The following GFRA2 variants were observed in gnomAD, a reference collection of about 807,000 sequenced individuals.
The protein encoded by GFRA2 is GDNF family receptor alpha 2.
Under a neutral mutation model 48.3 loss-of-function variants are expected in GFRA2, and 17 were observed. The observed-to-expected ratio is 0.35, with a 90% confidence interval of 0.24 to 0.53. The LOEUF (loss-of-function observed/expected upper bound fraction) is 0.53. GFRA2 is among the 20% of genes least tolerant of loss of function. The pLI is 0.93. For missense variants in GFRA2, 660 were observed against 637.3 expected, an observed-to-expected ratio of 1.04 and a Z score of -0.38; for synonymous variants, 305 against 257.2, an observed-to-expected ratio of 1.19 and a Z score of -1.78.
chr8:21,753,513 G>A (rs1028714534), intron 3 of GFRA2, among the ~76,000 whole-genome samples: 9 of 152,186 alleles, frequency 5.9e-5, no homozygotes, highest in African/African-American at 1.9e-4. Context: ...GGGAGACTGA[G>A]GCAGTAGAAT....
At chr8:21,702,309 G>C (rs1036067372) in intron 7 of GFRA2, among the ~76,000 whole-genome samples, 10 of 152,178 alleles carry the variant, frequency 6.6e-5, no homozygotes, top group African/African-American at 2.2e-4. Context: ...CCACAAGGGA[G>C]GGGGAAGGAA....
chr8:21,758,464 G>T (rs1340440178), intron 3 of GFRA2, among the ~76,000 whole-genome samples: 1 of 152,080 alleles, frequency 6.6e-6, no homozygotes, highest in East Asian at 1.9e-4. Flanking sequence ...CACCCTTCCT[G>T]CCTCCCAGGA....
At chr8:21,739,453 T>G (rs939301719) in intron 4 of GFRA2, among the ~76,000 whole-genome samples, 4 of 152,180 alleles carry the variant, frequency 2.6e-5, no homozygotes, top group Non-Finnish European at 4.4e-5. Context: ...TTAGTGTAAC[T>G]CCTAATCCAG....
chr8:21,707,320 G>T (rs1179621144), intron 4 of GFRA2, among the ~76,000 whole-genome samples: 1 of 152,174 alleles, frequency 6.6e-6, no homozygotes, highest in Non-Finnish European at 1.5e-5. Context: ...TTCTCCACTG[G>T]AACCCTGTCC....
chr8:21,722,671 G>A (rs1282104377), intron 4 of GFRA2, among the ~76,000 whole-genome samples: 4 of 152,120 alleles, frequency 2.6e-5, no homozygotes, highest in African/African-American at 4.8e-5. Flanking sequence ...CGATACACGC[G>A]TGGCCACACA....
At chr8:21,773,079 G>A (rs1806514841) in intron 3 of GFRA2, among the ~76,000 whole-genome samples, 1 of 152,214 alleles carries the variant, frequency 6.6e-6, no homozygotes, top group African/African-American at 2.4e-5. Flanking sequence ...GAGCCCCAGA[G>A]CACTGTCTCA....
intron 4 of GFRA2, among the ~76,000 whole-genome samples, chr8:21,717,799 G>A (rs901238706): frequency 6.6e-6 from 1 of 152,168 alleles, no homozygotes; most frequent in African/African-American, 2.4e-5. Context: ...CCTGGGAAAT[G>A]GCCACCAAAC....
intron 2 of GFRA2, among the ~76,000 whole-genome samples, chr8:21,802,988 G>A (rs1124111): frequency 0.24 from 36,792 of 152,046 alleles, 5,069 homozygotes; most frequent in East Asian, 0.4. Flanking sequence ...ATCAGACTTC[G>A]GTCAACAAAA....
chr8:21,778,902 A>G (rs1424047203), intron 2 of GFRA2, among the ~76,000 whole-genome samples: 1 of 151,644 alleles, frequency 6.6e-6, no homozygotes, highest in Non-Finnish European at 1.5e-5. Context: ...AAAAATAAAT[A>G]AATAAAAAGA....
At chr8:21,696,089 C>G (rs1457276655) in intron 7 of GFRA2, among the ~76,000 whole-genome samples, 53 of 116,946 alleles carry the variant, frequency 4.5e-4, no homozygotes, top group African/African-American at 1.7e-3. Flanking sequence ...CCCCTCTCTC[C>G]CCTCCCCCTC....
intron 3 of GFRA2, among the ~76,000 whole-genome samples, chr8:21,765,120 TA>T (rs1224924245): frequency 1.4e-5 from 2 of 138,342 alleles, no homozygotes; most frequent in African/African-American, 3.0e-5. Context: ...TTTATTTATT[TA>T]TTTTTTTTGA....
chr8:21,706,932 C>G (rs1173646617), intron 4 of GFRA2, among the ~76,000 whole-genome samples: 1 of 152,196 alleles, frequency 6.6e-6, no homozygotes, highest in Non-Finnish European at 1.5e-5. Context: ...TTCCTCCTGC[C>G]CTGGGCCCTG....
In GFRA2 at chr8:21,700,289, G is replaced by A. The variant is rs547467889; in HGVS notation, c.1218+2516C>T. Among the ~76,000 whole-genome samples the A allele has an allele frequency of 2.6e-5, 4 of 152,268 alleles. No individual in the cohort carries two copies. In the South Asian group the frequency reaches 6.2e-4, roughly 24 times the overall value. ...GGCCCCAGGAGAGACCATTTTGCAGGCCCTATCAGGCCTCTCCAAGGTCCA... is the reference window on the plus strand; with the variant it reads ...GGCCCCAGGAGAGACCATTTTGCAGACCCTATCAGGCCTCTCCAAGGTCCA... On this transcript the variant is annotated intron_variant, in intron 7 of 8. Coordinates refer to ENST00000524240, the MANE Select transcript of GFRA2 (RefSeq NM_001495.5).
At chr8:21,770,784 A>C (rs1289821132) in intron 3 of GFRA2, among the ~76,000 whole-genome samples, 1 of 151,802 alleles carries the variant, frequency 6.6e-6, no homozygotes, top group African/African-American at 2.4e-5. Flanking sequence ...CTTCATCACC[A>C]CTTTGATGTC....
In GFRA2 at chr8:21,691,264, G is replaced by A. The variant is rs529416755; in HGVS notation, c.*2014C>T. 1.3e-5 allele frequency: 2 copies of A among 152,202 alleles called. No individual in the cohort carries two copies. Among genetic ancestry groups the A allele is most frequent in the African/African-American group, 4.8e-5 (2 of 41,424 alleles). The allele number at this position is 152,202 out of a possible 1,614,324, so 9.4% of individuals were successfully genotyped here. A position where few individuals can be genotyped will look rare whatever the true frequency, so the allele number is the denominator to read the frequency against. On this transcript the variant is annotated 3_prime_UTR_variant, in exon 9 of 9. Transcript: ENST00000524240. The stretch of plus-strand genomic sequence containing the variant: ...TATATTCACACGTGCACGTGAACAT[G>A]TGCGAGCCTGCACACGACCGCACAC...
rs201515239 is a variant in GFRA2 at position 21,750,107 on chromosome 8, A to ACACACACATG, written c.794+480_794+481insCATGTGTGTG. Among the ~76,000 whole-genome samples, 2 of 150,656 alleles carry ACACACACATG rather than the reference A, an allele frequency of 1.3e-5. No individual in the cohort carries two copies. The highest frequency in any genetic ancestry group is 2.4e-5 in the African/African-American group (1 of 40,830). Reference sequence around the variant, plus strand: ...TGTGTATACACACACACACACACACACACGCACATATATAGGTAGAGACTG... The same window carrying ACACACACATG: ...TGTGTATACACACACACACACACACACACACACATGCACGCACATATATAGGTAGAGACTG... On this transcript the variant is annotated intron_variant, in intron 4 of 8. Transcript: ENST00000524240. This position sits in a 1 kb window ranked among gnomAD's most constrained non-coding sequence, Gnocchi z 5.7.
chr8:21,749,164 G>C (rs1013121580), intron 4 of GFRA2, among the ~76,000 whole-genome samples: 13 of 151,790 alleles, frequency 8.6e-5, no homozygotes, highest in Non-Finnish European at 1.3e-4. Flanking sequence ...CAAACAAAAA[G>C]GACAAATGTG....
At chr8:21,742,140 T>C (rs1804777902) in intron 4 of GFRA2, among the ~76,000 whole-genome samples, 2 of 151,770 alleles carry the variant, frequency 1.3e-5, no homozygotes, top group Non-Finnish European at 2.9e-5. Flanking sequence ...GGAGGGGAAG[T>C]CTAGATGTTA....
intron 4 of GFRA2, among the ~76,000 whole-genome samples, chr8:21,709,325 C>A (rs1290187734): frequency 6.6e-6 from 1 of 152,252 alleles, no homozygotes; most frequent in Admixed American, 6.5e-5. Flanking sequence ...CTGGACCAGG[C>A]AACTGAAAGA....
Sources: gnomAD v4.1 joint callset for allele counts (sites outside exome capture counted in the v4.1 genomes callset) on GRCh38, gnomAD v4.1.1 for gene constraint, Gnocchi (gnomAD v3.1) non-coding constraint, MANE v1.5 for transcripts, NCBI Gene and HGNC (gene_info 2026-07-23, HGNC 2026-07-21) for gene names.